The following EBF1 variants were observed in gnomAD, a reference collection of about 807,000 sequenced individuals.
EBF1 encodes transcription factor COE1.
Under a neutral mutation model 68.4 loss-of-function variants are expected in EBF1, and 10 were observed. The ratio of observed to expected loss-of-function variants is 0.15; its 90% CI spans 0.09 to 0.25. The LOEUF is 0.25. EBF1 is among the 10% of genes least tolerant of loss of function. The pLI is 1.00. For synonymous variants in EBF1, 298 were observed against 299.8 expected, an observed-to-expected ratio of 0.99 and a Z score of 0.06; for missense variants, 509 against 794.4, an observed-to-expected ratio of 0.64 and a Z score of 4.32.
chr5:158,917,900 C>T (rs1454170249), intron 6 of EBF1, among the ~76,000 whole-genome samples: 1 of 152,126 alleles, frequency 6.6e-6, no homozygotes. Flanking sequence ...CTCAGATATC[C>T]CATGAGGTCA....
Position 158,697,481 on chromosome 5 carries a change from A to AACAT in EBF1, c.*1626_*1629dup, listed in dbSNP as rs1181437644. On this transcript the variant is annotated 3_prime_UTR_variant, in exon 16 of 16. Coordinates refer to ENST00000313708, the MANE Select transcript of EBF1 (RefSeq NM_024007.5). ...ACAAATACGCACTTTTCACGTAGCA[A>AACAT]ACATACACAATAAAATAAATTGGGG... 11 of 209,854 alleles carry AACAT rather than the reference A, an allele frequency of 5.2e-5. No homozygotes were observed. The highest frequency in any genetic ancestry group is 3.1e-3 in the Middle Eastern group (2 of 636). 13.0% of individuals were successfully genotyped at this position (209,854 alleles called of 1,614,324 possible). A position where few individuals can be genotyped will look rare whatever the true frequency, so the allele number is the denominator to read the frequency against.
Position 158,979,199 on chromosome 5 carries a change from T to C in EBF1, c.554+94197A>G, listed in dbSNP as rs1291904337. 5.9e-5 allele frequency among the ~76,000 whole-genome samples: 9 copies of C among 152,350 alleles called. No individual in the cohort carries two copies. In the South Asian group the frequency reaches 1.9e-3, roughly 32 times the overall value. On this transcript the variant is annotated intron_variant, in intron 6 of 15. Transcript: ENST00000313708. ...AGACTATTAAAATGTATAAGATCTA[T>C]ATGAAAGTGGATGTCAGAATTTCTG...
intron 15 of EBF1, among the ~76,000 whole-genome samples, chr5:158,702,862 C>A (rs1039540644): frequency 1.3e-5 from 2 of 150,694 alleles, no homozygotes; most frequent in African/African-American, 2.4e-5. Context: ...AATGACGATT[C>A]CATAGGATTT....
chr5:158,804,502 G>A (rs1046718875), intron 8 of EBF1, among the ~76,000 whole-genome samples: 14 of 152,142 alleles, frequency 9.2e-5, no homozygotes, highest in African/African-American at 3.4e-4. Context: ...TCCTGAGTTT[G>A]TCTGTCGGAG....
At chr5:158,938,257 G>A (rs993014796) in intron 6 of EBF1, among the ~76,000 whole-genome samples, 1 of 152,116 alleles carries the variant, frequency 6.6e-6, no homozygotes, top group African/African-American at 2.4e-5. Flanking sequence ...GCTCCCAGGG[G>A]AGAGTCCAGC....
intron 6 of EBF1, among the ~76,000 whole-genome samples, chr5:158,976,709 C>G (rs1236431678): frequency 6.6e-6 from 1 of 152,046 alleles, no homozygotes; most frequent in Non-Finnish European, 1.5e-5. Context: ...ATTATAATTG[C>G]CATGCCAAAA....
intron 6 of EBF1, among the ~76,000 whole-genome samples, chr5:158,946,535 G>A (rs1032075405): frequency 2.6e-5 from 4 of 152,200 alleles, no homozygotes; most frequent in Non-Finnish European, 5.9e-5. Context: ...AGCCAAGACT[G>A]CTGCCTGTTC....
At chr5:159,001,857 C>T (rs771366119) in intron 6 of EBF1, among the ~76,000 whole-genome samples, 1 of 152,130 alleles carries the variant, frequency 6.6e-6, no homozygotes, top group Non-Finnish European at 1.5e-5. Context: ...AGAGTGGGAG[C>T]TAAACATGGG....
intron 14 of EBF1, among the ~76,000 whole-genome samples, chr5:158,710,967 GGTTA>G (rs2127483779): frequency 6.6e-6 from 1 of 152,254 alleles, no homozygotes; most frequent in African/African-American, 2.4e-5. Flanking sequence ...TGAGAACACG[GGTTA>G]TGACATTTTA....
intron 6 of EBF1, among the ~76,000 whole-genome samples, chr5:159,027,561 C>T (rs1299758064): frequency 1.3e-5 from 2 of 152,178 alleles, no homozygotes; most frequent in African/African-American, 4.8e-5. Context: ...GCTGAAAATG[C>T]AAATTCCTAG....
chr5:159,044,257 G>A (rs1771863709), intron 6 of EBF1, among the ~76,000 whole-genome samples: 2 of 152,132 alleles, frequency 1.3e-5, no homozygotes, highest in Non-Finnish European at 2.9e-5. Context: ...TCTTAGCAGA[G>A]GATATTGGGC....
chr5:158,780,579 G>A (rs2568984), intron 9 of EBF1, among the ~76,000 whole-genome samples: 34,610 of 151,952 alleles, frequency 0.23, 4,291 homozygotes, highest in East Asian at 0.4. Flanking sequence ...GATATCAACT[G>A]CAAAATAAGA....
At chr5:158,941,675 C>G (rs1234475961) in intron 6 of EBF1, among the ~76,000 whole-genome samples, 1 of 152,176 alleles carries the variant, frequency 6.6e-6, no homozygotes, top group South Asian at 2.1e-4. Flanking sequence ...GGTGTGATAG[C>G]ACCTGCAAAC....
intron 10 of EBF1, among the ~76,000 whole-genome samples, chr5:158,758,448 C>G (rs550443996): frequency 6.6e-6 from 1 of 152,282 alleles, no homozygotes; most frequent in East Asian, 1.9e-4. Context: ...AGCAGAATGG[C>G]CAACAGTTGA....
intron 8 of EBF1, among the ~76,000 whole-genome samples, chr5:158,802,943 G>A (rs1196120196): frequency 6.6e-6 from 1 of 152,216 alleles, no homozygotes. Flanking sequence ...TTTATTGTAA[G>A]ACTTTCCTAA....
intron 4 of EBF1, among the ~76,000 whole-genome samples, chr5:159,094,440 G>A (rs1782221009): frequency 6.6e-6 from 1 of 152,008 alleles, no homozygotes; most frequent in Admixed American, 6.6e-5. Context: ...ATATGAAAGT[G>A]ATCATCAAAA....
intron 6 of EBF1, among the ~76,000 whole-genome samples, chr5:158,860,994 C>T (rs899313652): frequency 6.6e-5 from 10 of 152,114 alleles, no homozygotes; most frequent in African/African-American, 1.9e-4. Context: ...CTTTAGCCTC[C>T]CTAAATCCTC....
rs1043288487 is a variant in EBF1, at chr5:158,696,252, C to T, written c.*2859G>A. ...TTCATTTTCTTCTTAAAGCCATATTCTGTATTTAGGGGAACATCTTTTATT... is the reference window on the plus strand; with the variant it reads ...TTCATTTTCTTCTTAAAGCCATATTTTGTATTTAGGGGAACATCTTTTATT... On this transcript the variant is annotated 3_prime_UTR_variant, in exon 16 of 16. Coordinates refer to ENST00000313708, the MANE Select transcript of EBF1 (RefSeq NM_024007.5). 7 of 219,186 alleles carry T rather than the reference C, an allele frequency of 3.2e-5. No individual in the cohort carries two copies. In the East Asian group the frequency reaches 4.7e-4, roughly 15 times the overall value. 13.6% of individuals were successfully genotyped at this position (219,186 alleles called of 1,614,324 possible). A position where few individuals can be genotyped will look rare whatever the true frequency, so the allele number is the denominator to read the frequency against.
At chr5:159,059,408 T>C (rs1285996126) in intron 6 of EBF1, among the ~76,000 whole-genome samples, 3 of 150,666 alleles carry the variant, frequency 2.0e-5, no homozygotes, top group Non-Finnish European at 4.4e-5. Flanking sequence ...GAGTGCACAG[T>C]GATTTTGAAA....
Sources: gnomAD v4.1 joint callset for allele counts (sites outside exome capture counted in the v4.1 genomes callset) on GRCh38, gnomAD v4.1.1 for gene constraint, MANE v1.5 for transcripts, NCBI Gene and HGNC (gene_info 2026-07-23, HGNC 2026-07-21) for gene names.